The following IL1R2 variants were observed in gnomAD, a reference collection of about 807,000 sequenced individuals.
IL1R2 encodes the protein interleukin 1 receptor type 2.
IL1R2 carries 46 observed loss-of-function variants against 39.5 expected under a neutral mutation model. The observed-to-expected ratio is 1.16, with a 90% CI of 0.92 to 1.49. IL1R2 has a LOEUF of 1.49. Ranked by LOEUF, IL1R2 falls within the 40% of genes most tolerant of loss-of-function variation. The probability of loss-of-function intolerance (pLI) is 0.00; values close to 1 mark genes in which losing one functional copy is unlikely to be tolerated. For missense variants in IL1R2, 537 were observed against 502.0 expected (o/e 1.07, Z -0.67); for synonymous variants, 207 against 189.6 (o/e 1.09, Z -0.75).
At chr2:102,010,825 A>G (rs974515911) in intron 3 of IL1R2, among the ~76,000 whole-genome samples, 17 of 152,200 alleles carry the variant, frequency 1.1e-4, no homozygotes, top group African/African-American at 4.1e-4. Flanking sequence ...CACCATCACC[A>G]TTATCCATCT....
chr2:102,011,190 A>G (rs1038271662), intron 3 of IL1R2, among the ~76,000 whole-genome samples: 5 of 152,222 alleles, frequency 3.3e-5, no homozygotes, highest in African/African-American at 7.2e-5. Flanking sequence ...TGTGAATCCA[A>G]TATGAACATG....
Position 102,027,992 on chromosome 2 carries a change from C to A in IL1R2, c.1031-234C>A, listed in dbSNP as rs575077993. Among the ~76,000 whole-genome samples the A allele has an allele frequency of 2.0e-5, 3 of 152,314 alleles. No homozygotes were observed. In the South Asian group the frequency reaches 6.2e-4, roughly 32 times the overall value. ...AAACCCTCAGCACTTGCCCACTTAC[C>A]CTACGATGTTTCTAACAGATTTTGC... On this transcript the variant is annotated intron_variant, in intron 8 of 8. Transcript: ENST00000332549.
intron 7 of IL1R2, 81 bp from the exon 8 acceptor site, chr2:102,026,030 A>G (rs1297868965): frequency 2.8e-6 from 3 of 1,085,132 alleles, no homozygotes; most frequent in Non-Finnish European, 4.1e-6. Flanking sequence ...CTTCTAAAGG[A>G]GAGTGTTTAG....
intron 1 of IL1R2, among the ~76,000 whole-genome samples, chr2:101,997,103 C>T (rs1483255309): frequency 1.3e-5 from 2 of 152,158 alleles, no homozygotes; most frequent in East Asian, 1.9e-4. Context: ...CTGATCCACA[C>T]GTGCTGACCT....
chr2:102,022,556 A>G (rs1677470224), intron 6 of IL1R2, among the ~76,000 whole-genome samples: 1 of 152,246 alleles, frequency 6.6e-6, no homozygotes, highest in African/African-American at 2.4e-5. Context: ...CAACTGCATG[A>G]GAAGATGAAC....
In IL1R2 at chr2:102,028,211, CTG is replaced by C; in HGVS notation, c.1031-13_1031-12del. The C allele has an allele frequency of 1.3e-6, 2 of 1,598,382 alleles. No individual in the cohort carries two copies. On this transcript the variant is annotated splice_polypyrimidine_tract_variant and intron_variant, in intron 8 of 8. Coordinates refer to ENST00000332549, the MANE Select transcript of IL1R2 (RefSeq NM_004633.4). ...AGACTGTTCAGCTCCTGATGTGACTCTGTTCTTCCCACAGCCTCCTCCACGTT... is the reference window on the plus strand; with the variant it reads ...AGACTGTTCAGCTCCTGATGTGACTCTTCTTCCCACAGCCTCCTCCACGTT...
chr2:102,022,249 G>C lies in IL1R2; in HGVS notation c.751G>C (p.Gly251Arg). Residue 251 changes from glycine (G) to arginine (R), a missense_variant and splice_region_variant, in exon 6 of 9, where the codon GGG (glycine) becomes CGG (arginine). Gly to Arg is a moderately radical substitution (Grantham distance 125). Transcript: ENST00000332549. ...SPLKTISASL[G>R]SRLTIPCKVF... ...CCTCAAGACCATATCAGCTTCTCTG[G>C]GTAAGGCCCACAAGGACCATGCATT... is the stretch of plus-strand genomic sequence containing the variant. 1.2e-6 allele frequency: 2 copies of C among 1,613,142 alleles called. No homozygotes were observed. The highest frequency in any genetic ancestry group is 8.5e-7 in the Non-Finnish European group (1 of 1,179,098).
chr2:102,014,641 T>G (rs3218890), intron 3 of IL1R2, among the ~76,000 whole-genome samples: 11,705 of 151,894 alleles, frequency 0.077, 1,430 homozygotes, highest in African/African-American at 0.26. Context: ...TTCTTTCACC[T>G]TTTTTTTACA....
chr2:102,005,702 T>C (rs189139328), intron 1 of IL1R2, among the ~76,000 whole-genome samples: 4 of 152,290 alleles, frequency 2.6e-5, no homozygotes, highest in Admixed American at 6.5e-5. Context: ...TTGATCCACA[T>C]TTTGTCACAT....
intron 3 of IL1R2, among the ~76,000 whole-genome samples, chr2:102,010,848 C>T (rs1392164949): frequency 6.6e-6 from 1 of 152,174 alleles, no homozygotes; most frequent in Non-Finnish European, 1.5e-5. Flanking sequence ...AGGAGTTTTT[C>T]ATCCTCACAA....
intron 3 of IL1R2, among the ~76,000 whole-genome samples, chr2:102,015,397 C>T (rs1252712374): frequency 2.0e-5 from 3 of 152,166 alleles, no homozygotes; most frequent in African/African-American, 7.2e-5. Flanking sequence ...TCGAAAAGAT[C>T]AGGGACAGAA....
Position 102,019,824 on chromosome 2 carries a change from C to G in IL1R2, c.688+12C>G, listed in dbSNP as rs1283108822. The G allele has an allele frequency of 6.2e-7, 1 of 1,607,598 alleles. No individual in the cohort carries two copies. Among genetic ancestry groups the G allele is most frequent in the Non-Finnish European group, 8.5e-7 (1 of 1,175,834 alleles). The stretch of plus-strand genomic sequence containing the variant: ...GCTACGCATCAAGAGTAAGTACTTG[C>G]CATTGAGGCACCTATCTATCCTGGT... On this transcript the variant is annotated intron_variant, in intron 5 of 8. Coordinates refer to ENST00000332549, the MANE Select transcript of IL1R2 (RefSeq NM_004633.4).
At chr2:102,004,051 G>GTC (rs1294239312) in intron 1 of IL1R2, among the ~76,000 whole-genome samples, 1 of 114,778 alleles carries the variant, frequency 8.7e-6, no homozygotes, top group African/African-American at 3.0e-5. Flanking sequence ...ATGTCTATGT[G>GTC]CCTGTGTGTA....
intron 1 of IL1R2, among the ~76,000 whole-genome samples, chr2:102,003,653 T>C (rs1676061696): frequency 7.4e-6 from 1 of 135,296 alleles, no homozygotes; most frequent in South Asian, 2.7e-4. Context: ...TGTCTGGCTG[T>C]GGCTGTGGCT....
chr2:102,006,018 A>G (rs557355736), intron 1 of IL1R2, among the ~76,000 whole-genome samples: 18 of 152,332 alleles, frequency 1.2e-4, no homozygotes, highest in Non-Finnish European at 2.4e-4. Context: ...GTGGGGATAA[A>G]ATGCAAGAAT....
At chr2:102,027,037 A>G in intron 8 of IL1R2, among the ~76,000 whole-genome samples, 1 of 152,228 alleles carries the variant, frequency 6.6e-6, no homozygotes, top group East Asian at 1.9e-4. Flanking sequence ...TTCCAGCCTC[A>G]GGACAGGGAA....
intron 2 of IL1R2, among the ~76,000 whole-genome samples, chr2:102,009,126 G>A (rs567585773): frequency 5.4e-4 from 82 of 152,248 alleles, no homozygotes; most frequent in Middle Eastern, 3.4e-3. Context: ...AAGAAGTGAC[G>A]TGTTTGCCCT....
At chr2:102,027,164 C>G (rs146697684) in intron 8 of IL1R2, among the ~76,000 whole-genome samples, 41 of 152,326 alleles carry the variant, frequency 2.7e-4, no homozygotes, top group African/African-American at 7.9e-4. Context: ...GTCAAATATT[C>G]CTAGGGAGAG....
intron 1 of IL1R2, among the ~76,000 whole-genome samples, chr2:101,997,465 G>A (rs12469349): frequency 0.022 from 3,350 of 152,332 alleles, 48 homozygotes; most frequent in East Asian, 0.055. Flanking sequence ...GGAGCAGAAG[G>A]TGGAGAGCTC....
Sources: allele counts gnomAD v4.1 joint callset (sites outside exome capture counted in the v4.1 genomes callset), GRCh38; gene constraint gnomAD v4.1.1; transcripts MANE v1.5; gene names NCBI Gene and HGNC (gene_info 2026-07-23, HGNC 2026-07-21).